FRY: variants seen among roughly 807,000 people sequenced by gnomAD.
The protein encoded by FRY is protein furry homolog.
A neutral mutation model predicts 348.4 loss-of-function variants in FRY; 128 were observed. That is an observed-to-expected ratio of 0.37 (90% CI 0.32 to 0.43). The LOEUF is 0.43. FRY is among the 20% of genes least tolerant of loss of function. The pLI is 1.00. For missense variants in FRY, 2,736 were observed against 3,695.2 expected (o/e 0.74, Z 6.73); for synonymous variants, 1,370 against 1,374.7 (o/e 1.00, Z 0.08).
At chr13:32,226,503 G>A (rs1369857718) in intron 39 of FRY, among the ~76,000 whole-genome samples, 1 of 152,328 alleles carries the variant, frequency 6.6e-6, no homozygotes, top group East Asian at 1.9e-4. Context: ...AATAGGAACA[G>A]ATGGCATTAA....
At chr13:32,185,271 T>C in intron 26 of FRY, 123 bp downstream of exon 26, 1 of 805,230 alleles carries the variant, frequency 1.2e-6, no homozygotes, top group Non-Finnish European at 2.1e-6. Flanking sequence ...TGAAGTTTAT[T>C]TACTTCGAGA....
At chr13:32,272,918 T>A (rs1051383294) in intron 55 of FRY, among the ~76,000 whole-genome samples, 6 of 151,360 alleles carry the variant, frequency 4.0e-5, no homozygotes, top group African/African-American at 1.5e-4. Flanking sequence ...TGGTATTTTT[T>A]TTTTTTTAGC....
At chr13:32,290,792 G>A (rs536708456) in intron 59 of FRY, among the ~76,000 whole-genome samples, 28 of 151,842 alleles carry the variant, frequency 1.8e-4, no homozygotes, top group Non-Finnish European at 3.5e-4. Context: ...TGTGAGACAC[G>A]GGACAAAAAA....
At chr13:32,122,335 C>G (rs542458389) in intron 4 of FRY, among the ~76,000 whole-genome samples, 1 of 151,446 alleles carries the variant, frequency 6.6e-6, no homozygotes, top group Non-Finnish European at 1.5e-5. Flanking sequence ...CCCAGCTACT[C>G]GGGAGGCTGA....
chr13:32,238,765 T>TTG (rs1446296012), intron 44 of FRY, among the ~76,000 whole-genome samples: 1 of 152,298 alleles, frequency 6.6e-6, no homozygotes, highest in African/African-American at 2.4e-5. Flanking sequence ...ACCAGATTTT[T>TTG]AATGCCATGG....
At chr13:32,074,979 A>AAAGC (rs1874940741) in intron 1 of FRY, among the ~76,000 whole-genome samples, 1 of 152,226 alleles carries the variant, frequency 6.6e-6, no homozygotes, top group Middle Eastern at 3.2e-3. Flanking sequence ...AAAAGCAAGG[A>AAAGC]AAGCACCCCA....
At chr13:32,284,161 T>C (rs912691859) in intron 58 of FRY, among the ~76,000 whole-genome samples, 3 of 152,242 alleles carry the variant, frequency 2.0e-5, no homozygotes, top group Non-Finnish European at 4.4e-5. Flanking sequence ...TCAACAGATA[T>C]TTCTGAGCAC....
chr13:32,122,875 C>A (rs1340030040), intron 4 of FRY, among the ~76,000 whole-genome samples: 2 of 152,136 alleles, frequency 1.3e-5, no homozygotes, highest in African/African-American at 4.8e-5. Context: ...AAATCAGTAG[C>A]TCTTCTATAT....
chr13:32,174,320 G>A (rs1029870066), intron 19 of FRY, among the ~76,000 whole-genome samples: 1 of 152,080 alleles, frequency 6.6e-6, no homozygotes, highest in Non-Finnish European at 1.5e-5. Flanking sequence ...TATTTCTTCA[G>A]ATAGCTTTCT....
chr13:32,124,972 A>G, intron 7 of FRY, 97 bp downstream of exon 7: 1 of 863,086 alleles, frequency 1.2e-6, no homozygotes, highest in Non-Finnish European at 2.0e-6. Context: ...CTTACAAGGA[A>G]CTAGGTAGGG....
At chr13:32,086,727 T>G (rs1875888544) in intron 2 of FRY, among the ~76,000 whole-genome samples, 1 of 152,208 alleles carries the variant, frequency 6.6e-6, no homozygotes, top group African/African-American at 2.4e-5. Context: ...CGAAAAGTTT[T>G]TTTTAAGTCT....
At chr13:32,254,732 A>T (rs1887249703) in intron 51 of FRY, among the ~76,000 whole-genome samples, 1 of 152,234 alleles carries the variant, frequency 6.6e-6, no homozygotes, top group African/African-American at 2.4e-5. Context: ...TAGCCTGTTC[A>T]CTGGTACCTG....
At chr13:32,211,437 C>T (rs1278563544) in intron 34 of FRY, among the ~76,000 whole-genome samples, 5 of 152,112 alleles carry the variant, frequency 3.3e-5, no homozygotes, top group Admixed American at 6.6e-5. Context: ...CCAGCTTGGG[C>T]GACAGAGCAA....
At chr13:32,112,515 A>G (rs1236973305) in intron 3 of FRY, among the ~76,000 whole-genome samples, 1 of 152,200 alleles carries the variant, frequency 6.6e-6, no homozygotes, top group Non-Finnish European at 1.5e-5. Context: ...CTATGAAAAC[A>G]TGGCACGTGA....
chr13:32,085,955 C>G, intron 2 of FRY: 1 of 518,988 alleles, frequency 1.9e-6, no homozygotes, highest in Non-Finnish European at 3.8e-6. Context: ...TAAGAGAAGA[C>G]AACACCCCCA....
At chr13:32,129,103 A>G (rs2138744590) in intron 7 of FRY, among the ~76,000 whole-genome samples, 1 of 152,242 alleles carries the variant, frequency 6.6e-6, no homozygotes, top group East Asian at 1.9e-4. Context: ...TCTCCCAGTC[A>G]TGTTGGAGTC....
intron 58 of FRY, among the ~76,000 whole-genome samples, chr13:32,289,357 CA>C (rs1378584374): frequency 6.6e-6 from 1 of 152,120 alleles, no homozygotes; most frequent in Non-Finnish European, 1.5e-5. Context: ...ATTTAACTGG[CA>C]AATATAATGG....
In FRY at chr13:32,074,517, A is replaced by AT. The variant is rs202044098; in HGVS notation, c.71-4316dup. On this transcript the variant is annotated intron_variant, in intron 1 of 60. Transcript: ENST00000542859. The stretch of plus-strand genomic sequence containing the variant: ...CTTTTTAGAGACATTGAGCTGTTAT[A>AT]TGACGATAGAAAGGACGAAGGAAAG... Among the ~76,000 whole-genome samples the AT allele has an allele frequency of 4.5e-3, 686 of 152,334 alleles. 6 individuals carry two copies. The highest frequency in any genetic ancestry group is 0.016 in the African/African-American group (654 of 41,574).
At chr13:32,069,883 G>T (rs1303996819) in intron 1 of FRY, among the ~76,000 whole-genome samples, 5 of 149,220 alleles carry the variant, frequency 3.4e-5, no homozygotes, top group African/African-American at 9.9e-5. Flanking sequence ...CCCCCAAGAG[G>T]CCCCGGTGTG....
Sources: allele counts gnomAD v4.1 joint callset (sites outside exome capture counted in the v4.1 genomes callset), GRCh38; gene constraint gnomAD v4.1.1; transcripts MANE v1.5; gene names NCBI Gene and HGNC (gene_info 2026-07-23, HGNC 2026-07-21).